Variants in CLVS1 observed in about 807,000 individuals in gnomAD.
CLVS1 encodes the protein clavesin-1.
Under a neutral mutation model 33.1 loss-of-function variants are expected in CLVS1, and 10 were observed. The observed-to-expected ratio is 0.30, with a 90% confidence interval of 0.19 to 0.51. The LOEUF (loss-of-function observed/expected upper bound fraction) is 0.51, where lower values mean the gene tolerates loss of function less well. CLVS1 is among the 20% of genes least tolerant of loss of function. CLVS1 has a pLI of 0.97. For synonymous variants in CLVS1, 163 were observed against 166.1 expected, an observed-to-expected ratio of 0.98 and a Z score of 0.14; for missense variants, 343 against 433.4, an observed-to-expected ratio of 0.79 and a Z score of 1.85.
chr8:60,991,358 G>A, the CLVS1 span, among the ~76,000 whole-genome samples: 1 of 152,168 alleles, frequency 6.6e-6, no homozygotes, highest in Admixed American at 6.5e-5. Context: ...TATCTATTTA[G>A]GAGAGAGGAG....
chr8:61,139,514 C>T (rs1385087806), intron 2 of CLVS1, among the ~76,000 whole-genome samples: 2 of 152,190 alleles, frequency 1.3e-5, no homozygotes, highest in East Asian at 1.9e-4. Context: ...AAAGTGGTGG[C>T]GCTGCCAGCA....
intron 1 of CLVS1, among the ~76,000 whole-genome samples, chr8:61,125,201 T>C (rs1242561206): frequency 6.6e-6 from 1 of 152,106 alleles, no homozygotes; most frequent in Non-Finnish European, 1.5e-5. Context: ...CCCAGAACCC[T>C]CCTGTTTAAC....
the CLVS1 span, among the ~76,000 whole-genome samples, chr8:61,000,807 T>C: frequency 6.6e-6 from 1 of 152,134 alleles, no homozygotes; most frequent in African/African-American, 2.4e-5. Flanking sequence ...ACCCTCCCAG[T>C]AGAACCCAGA....
intron 2 of CLVS1, among the ~76,000 whole-genome samples, chr8:61,218,443 A>G (rs957408163): frequency 2.3e-4 from 35 of 152,038 alleles, no homozygotes; most frequent in African/African-American, 7.5e-4. Context: ...ACGTGGAAGC[A>G]AAAAGAAATT....
At chr8:61,356,590 T>C (rs921481912) in intron 2 of CLVS1, among the ~76,000 whole-genome samples, 2 of 151,996 alleles carry the variant, frequency 1.3e-5, no homozygotes, top group African/African-American at 4.8e-5. Flanking sequence ...TTAATTTTTG[T>C]ATAAGGTGTA....
intron 3 of CLVS1, among the ~76,000 whole-genome samples, chr8:61,403,046 A>T (rs1814832377): frequency 6.6e-6 from 1 of 152,346 alleles, no homozygotes; most frequent in Non-Finnish European, 1.5e-5. Context: ...GGTATGAATA[A>T]GAGTGGGTTG....
At chr8:61,475,720 CA>C (rs1304814846) in intron 5 of CLVS1, among the ~76,000 whole-genome samples, 1 of 152,130 alleles carries the variant, frequency 6.6e-6, no homozygotes, top group Non-Finnish European at 1.5e-5. Context: ...GAGTAGGTTG[CA>C]AAACTTTTCT....
At chr8:61,025,758 A>G in the CLVS1 span, among the ~76,000 whole-genome samples, 58,658 of 152,076 alleles carry the variant, frequency 0.39, 14,606 homozygotes, top group African/African-American at 0.7. Context: ...GTGCTGATCC[A>G]GTGCCTGTCC....
chr8:61,415,041 C>G (rs761495095), intron 3 of CLVS1, among the ~76,000 whole-genome samples: 20 of 152,194 alleles, frequency 1.3e-4, no homozygotes, highest in Non-Finnish European at 2.1e-4. Flanking sequence ...TTTCCCAGTC[C>G]AAAAAACCGA....
chr8:61,048,243 G>T, the CLVS1 span, among the ~76,000 whole-genome samples: 11 of 152,220 alleles, frequency 7.2e-5, no homozygotes, highest in Non-Finnish European at 1.3e-4. Flanking sequence ...GACCAAGAGT[G>T]AAGGGAATCT....
intron 1 of CLVS1, among the ~76,000 whole-genome samples, chr8:61,095,350 A>G (rs568659976): frequency 6.6e-6 from 1 of 152,346 alleles, no homozygotes; most frequent in African/African-American, 2.4e-5. Flanking sequence ...GGGCTTTCTG[A>G]CCCCAGAGCA....
chr8:60,973,460 T>A, the CLVS1 span, among the ~76,000 whole-genome samples: 3 of 152,244 alleles, frequency 2.0e-5, no homozygotes, highest in Non-Finnish European at 4.4e-5. Flanking sequence ...TGTATGGGTC[T>A]GTAGCAACCT....
At chr8:61,223,699 T>C (rs887655504) in intron 2 of CLVS1, among the ~76,000 whole-genome samples, 1 of 152,200 alleles carries the variant, frequency 6.6e-6, no homozygotes, top group Non-Finnish European at 1.5e-5. Context: ...GTGTTCTCTG[T>C]ATTTCCTGAA....
At chr8:61,480,482 AC>A (rs1344677894) in intron 5 of CLVS1, among the ~76,000 whole-genome samples, 17 of 151,782 alleles carry the variant, frequency 1.1e-4, no homozygotes, top group Admixed American at 5.3e-4. Flanking sequence ...GCCGTCTGTC[AC>A]CCCTTTCTTT....
At chr8:61,064,536 C>CTTTTTTTTTTTTTTTTTTTTTTTTTTT (rs1563389429) in intron 1 of CLVS1, among the ~76,000 whole-genome samples, 1 of 141,444 alleles carries the variant, frequency 7.1e-6, no homozygotes. Context: ...GTTCTTTGCC[C>CTTTTTTTTTTTTTTTTTTTTTTTTTTT]ATTTTTTTTT....
At chr8:61,086,224 C>T (rs1805124938) in intron 1 of CLVS1, among the ~76,000 whole-genome samples, 1 of 145,722 alleles carries the variant, frequency 6.9e-6, no homozygotes, top group African/African-American at 2.6e-5. Flanking sequence ...GAGACTCTGT[C>T]TCAAAAATAA....
intron 3 of CLVS1, among the ~76,000 whole-genome samples, chr8:61,416,282 ATAGC>A (rs3063291): frequency 0.61 from 87,710 of 144,700 alleles, 28,231 homozygotes; most frequent in South Asian, 0.75. Flanking sequence ...GTTGAACAAG[ATAGC>A]TAGCTAGCTA....
chr8:61,307,004 T>C (rs1810651961), intron 2 of CLVS1, among the ~76,000 whole-genome samples: 2 of 152,200 alleles, frequency 1.3e-5, no homozygotes, highest in Admixed American at 1.3e-4. Context: ...CACCTTGTTT[T>C]AGTGATCCTA....
chr8:61,056,377 A>G (rs10504317), upstream of CLVS1, among the ~76,000 whole-genome samples: 6,429 of 152,244 alleles, frequency 0.042, 448 homozygotes, highest in African/African-American at 0.15. Flanking sequence ...ACATCTTAAC[A>G]TCTTGGTCTC....
Sources: allele counts gnomAD v4.1 joint callset (sites outside exome capture counted in the v4.1 genomes callset), GRCh38; gene constraint gnomAD v4.1.1; transcripts MANE v1.5; gene names NCBI Gene and HGNC (gene_info 2026-07-23, HGNC 2026-07-21).